The following ERC1 variants were observed in gnomAD, a reference collection of about 807,000 sequenced individuals.
ERC1 encodes ELKS/RAB6-interacting/CAST family member 1.
ERC1 carries 56 observed loss-of-function variants against 132.0 expected under a neutral mutation model. That is an observed-to-expected ratio of 0.42 (90% CI 0.34 to 0.53). The LOEUF is 0.53. Ranked by LOEUF, ERC1 falls within the 20% of genes least tolerant of loss-of-function variation. The pLI, the probability that ERC1 is intolerant of heterozygous loss-of-function variation, is 0.03. For missense variants in ERC1, 1,202 were observed against 1,349.9 expected (o/e 0.89, Z 1.72); for synonymous variants, 478 against 476.1 (o/e 1.00, Z -0.05).
At chr12:1,443,775 T>G (rs890120055) in intron 17 of ERC1, 5 of 152,178 alleles carry the variant, frequency 3.3e-5, no homozygotes, top group African/African-American at 1.2e-4. Context: ...CATCAGTCAT[T>G]TAGTGTGCTT....
chr12:1,059,334 T>C (rs1255020360), intron 2 of ERC1, among the ~76,000 whole-genome samples: 2 of 152,224 alleles, frequency 1.3e-5, no homozygotes, highest in African/African-American at 4.8e-5. Flanking sequence ...TTTTTTTCTC[T>C]AGCCTAAGTG....
intron 8 of ERC1, among the ~76,000 whole-genome samples, chr12:1,179,497 T>TGTC (rs1954120014): frequency 7.0e-6 from 1 of 142,962 alleles, no homozygotes; most frequent in African/African-American, 2.7e-5. Context: ...TCTATTCATT[T>TGTC]TTCTTTTTTT....
chr12:1,179,456 T>TCTTAC (rs1044927949), intron 8 of ERC1, among the ~76,000 whole-genome samples: 1 of 152,138 alleles, frequency 6.6e-6, no homozygotes, highest in African/African-American at 2.4e-5. Flanking sequence ...TGATGCATTT[T>TCTTAC]CTTACCATCT....
chr12:1,478,548 C>CT (rs2094019245), intron 18 of ERC1, among the ~76,000 whole-genome samples: 1 of 152,042 alleles, frequency 6.6e-6, no homozygotes, highest in Non-Finnish European at 1.5e-5. Flanking sequence ...AATCCCAGCA[C>CT]TTTGGGAGGC....
intron 14 of ERC1, among the ~76,000 whole-genome samples, chr12:1,285,706 G>A (rs2078997388): frequency 6.6e-6 from 1 of 152,006 alleles, no homozygotes; most frequent in Non-Finnish European, 1.5e-5. Context: ...GTAACTTTTG[G>A]CAAATATACA....
intron 15 of ERC1, among the ~76,000 whole-genome samples, chr12:1,297,580 C>T (rs1213759697): frequency 1.3e-5 from 2 of 148,394 alleles, no homozygotes; most frequent in Non-Finnish European, 3.0e-5. Flanking sequence ...GATGGTGGCT[C>T]ATACTCTTGT....
intron 8 of ERC1, among the ~76,000 whole-genome samples, chr12:1,163,087 A>G (rs904302538): frequency 2.0e-5 from 3 of 152,224 alleles, no homozygotes; most frequent in African/African-American, 7.2e-5. Context: ...TTTGCTTCAT[A>G]CAACTTTTTT....
At chr12:1,103,132 C>G (rs975127797) in intron 3 of ERC1, among the ~76,000 whole-genome samples, 2 of 152,130 alleles carry the variant, frequency 1.3e-5, no homozygotes, top group Non-Finnish European at 2.9e-5. Context: ...GCGACAATGG[C>G]ATTATCACAA....
At chr12:1,294,156 T>G (rs1397218743) in intron 15 of ERC1, among the ~76,000 whole-genome samples, 2 of 152,216 alleles carry the variant, frequency 1.3e-5, no homozygotes, top group Non-Finnish European at 2.9e-5. Context: ...TGCCCTGATA[T>G]TCAGTGCTTT....
At chr12:1,376,043 A>C (rs1437596716) in intron 16 of ERC1, among the ~76,000 whole-genome samples, 3 of 151,930 alleles carry the variant, frequency 2.0e-5, no homozygotes, top group Non-Finnish European at 2.9e-5. Context: ...GCCTGGCTCT[A>C]CTTCTTGGTT....
At chr12:1,428,117 A>AT (rs1387234666) in intron 17 of ERC1, among the ~76,000 whole-genome samples, 1 of 152,132 alleles carries the variant, frequency 6.6e-6, no homozygotes, top group Non-Finnish European at 1.5e-5. Flanking sequence ...GATTATGGGC[A>AT]TTTTACTAAT....
chr12:1,252,150 C>T (rs1210312456), intron 13 of ERC1, among the ~76,000 whole-genome samples: 1 of 152,072 alleles, frequency 6.6e-6, no homozygotes, highest in Non-Finnish European at 1.5e-5. Context: ...CGTTATAATT[C>T]TATTCTTTTA....
At chr12:1,268,372 C>A (rs945691358) in intron 14 of ERC1, among the ~76,000 whole-genome samples, 1 of 152,074 alleles carries the variant, frequency 6.6e-6, no homozygotes, top group Non-Finnish European at 1.5e-5. Flanking sequence ...TTGTGCTTTT[C>A]CAAATGCCAC....
intron 6 of ERC1, among the ~76,000 whole-genome samples, chr12:1,114,151 G>A (rs558005524): frequency 6.6e-6 from 1 of 152,208 alleles, no homozygotes; most frequent in Admixed American, 6.5e-5. Flanking sequence ...AGCCTCCTGA[G>A]TAGCTGGGAT....
intron 12 of ERC1, among the ~76,000 whole-genome samples, chr12:1,225,407 G>A (rs976211632): frequency 2.0e-5 from 3 of 147,654 alleles, no homozygotes; most frequent in East Asian, 4.0e-4. Context: ...CTATGATCAC[G>A]CCACTCTACT....
At chr12:1,224,925 G>A (rs1298545321) in intron 12 of ERC1, among the ~76,000 whole-genome samples, 2 of 151,892 alleles carry the variant, frequency 1.3e-5, no homozygotes, top group Non-Finnish European at 2.9e-5. Flanking sequence ...TGGGAAATGA[G>A]CTATGATTGT....
At chr12:1,298,704 A>G (rs143265556) in intron 15 of ERC1, among the ~76,000 whole-genome samples, 405 of 152,042 alleles carry the variant, frequency 2.7e-3, no homozygotes, top group Middle Eastern at 6.8e-3. Flanking sequence ...AAATTCAACC[A>G]TATCAATATT....
intron 17 of ERC1, among the ~76,000 whole-genome samples, chr12:1,442,162 A>C (rs2093173531): frequency 6.6e-6 from 1 of 152,198 alleles, no homozygotes; most frequent in Admixed American, 6.5e-5. Flanking sequence ...TCCTGACCTC[A>C]CGTCATCTGC....
At chr12:1,121,693 A>G (rs1488880102) in intron 7 of ERC1, among the ~76,000 whole-genome samples, 27 of 59,486 alleles carry the variant, frequency 4.5e-4, no homozygotes, top group Non-Finnish European at 5.9e-4. Context: ...CTCTATCTCT[A>G]TCTCTATCTC....
Sources: gnomAD v4.1 joint callset for allele counts (sites outside exome capture counted in the v4.1 genomes callset) on GRCh38, gnomAD v4.1.1 for gene constraint, MANE v1.5 for transcripts, NCBI Gene and HGNC (gene_info 2026-07-23, HGNC 2026-07-21) for gene names.